Variants in SYMPK observed in about 807,000 individuals in gnomAD.
SYMPK encodes symplekin.
In SYMPK, 49 loss-of-function variants were observed where a neutral mutation model predicts 136.4. The observed-to-expected ratio is 0.36, with a 90% CI of 0.29 to 0.46. The LOEUF (loss-of-function observed/expected upper bound fraction) is 0.46, where lower values mean the gene tolerates loss of function less well. Among genes scored for constraint, SYMPK ranks in the 20% least tolerant of loss-of-function variants. SYMPK has a pLI of 1.00. For missense variants in SYMPK, 1,365 were observed against 1,690.0 expected, an observed-to-expected ratio of 0.81 and a Z score of 3.37; for synonymous variants, 766 against 713.0, an observed-to-expected ratio of 1.07 and a Z score of -1.19.
chr19:45,825,351 C>G lies in SYMPK; in HGVS notation c.2330-20G>C, dbSNP rs370962218. On this transcript the variant is annotated intron_variant, in intron 17 of 26. Transcript: ENST00000245934. ...CCACCTCTGACAGGGCAGGAGCGGG[C>G]ATCAGATTGGCCCACACTCTTCTCC... 35 of 1,610,098 alleles carry G rather than the reference C, an allele frequency of 2.2e-5. No homozygotes were observed. The Admixed American group carries it at 4.5e-4, about 21-fold the overall frequency.
chr19:45,822,715 G>A, intron 21 of SYMPK, 41 bp downstream of exon 21: 1 of 1,577,506 alleles, frequency 6.3e-7, no homozygotes, highest in South Asian at 1.1e-5. Context: ...AGCACCTGGG[G>A]TGGGTGGGCC....
chr19:45,818,681 C>T (rs1045777250), intron 22 of SYMPK, among the ~76,000 whole-genome samples: 4 of 152,104 alleles, frequency 2.6e-5, no homozygotes, highest in Non-Finnish European at 5.9e-5. Flanking sequence ...AGAGTAATAG[C>T]GAAGGGAGGG....
At chr19:45,829,245 C>A (rs1971115979) in intron 13 of SYMPK, 40 bp from the exon 14 acceptor site, 1 of 1,566,872 alleles carries the variant, frequency 6.4e-7, no homozygotes, top group South Asian at 1.1e-5. Context: ...GTAGGGTGGG[C>A]AATCCAGGGA....
chr19:45,854,154 G>A (rs748742994), intron 3 of SYMPK, 21 bp downstream of exon 3: 1 of 1,613,602 alleles, frequency 6.2e-7, no homozygotes, highest in Non-Finnish European at 8.5e-7. Flanking sequence ...GCTCAGCCCA[G>A]GATGCCCCCC....
intron 1 of SYMPK, among the ~76,000 whole-genome samples, chr19:45,860,407 G>A (rs1423529639): frequency 2.0e-5 from 3 of 151,374 alleles, no homozygotes; most frequent in South Asian, 2.1e-4. Flanking sequence ...GCAGTGAGCC[G>A]AGGTCACATC....
intron 7 of SYMPK, among the ~76,000 whole-genome samples, chr19:45,846,320 T>C (rs778573185): frequency 4.6e-5 from 7 of 152,238 alleles, no homozygotes; most frequent in Non-Finnish European, 1.0e-4. Context: ...CTATGGAATA[T>C]GGTATAGCAA....
At chr19:45,822,280 G>A (rs979257797) in intron 21 of SYMPK, among the ~76,000 whole-genome samples, 3 of 151,986 alleles carry the variant, frequency 2.0e-5, no homozygotes, top group African/African-American at 7.2e-5. Context: ...CACCACGCCT[G>A]GCTAATTTTT....
At chr19:45,840,270 AGG>A (rs1971402946) in intron 9 of SYMPK, among the ~76,000 whole-genome samples, 1 of 146,478 alleles carries the variant, frequency 6.8e-6, no homozygotes, top group African/African-American at 2.5e-5. Flanking sequence ...AGCCAAGATC[AGG>A]CCACTGTACT....
intron 12 of SYMPK, 178 bp from the exon 13 acceptor site, chr19:45,830,382 G>A (rs1971140181): frequency 5.8e-6 from 4 of 691,134 alleles, no homozygotes; most frequent in Non-Finnish European, 9.4e-6. Context: ...GAGGAAGGAA[G>A]AGGATGTTAT....
At position 45,835,068 on chromosome 19, in the gene SYMPK, A is replaced by T; in HGVS notation, c.1393+10T>A. On this transcript the variant is annotated intron_variant, in intron 11 of 26. Coordinates refer to ENST00000245934, the MANE Select transcript of SYMPK (RefSeq NM_004819.3). ...ATCCCTGGCCCAGGTTAGGGCCAGG[A>T]CACACTCACCTGGTCCCAGTCCGGC... The T allele has an allele frequency of 6.3e-7, 1 of 1,581,080 alleles. No individual in the cohort carries two copies. The highest frequency in any genetic ancestry group is 8.6e-7 in the Non-Finnish European group (1 of 1,163,272).
intron 1 of SYMPK, among the ~76,000 whole-genome samples, chr19:45,860,259 C>T (rs1183141730): frequency 6.6e-6 from 1 of 151,798 alleles, no homozygotes; most frequent in Non-Finnish European, 1.5e-5. Context: ...AGTTTGAGAC[C>T]AGTCTGGCCA....
chr19:45,821,573 G>T lies in SYMPK; in HGVS notation c.2792-88C>A. The T allele has an allele frequency of 1.2e-6, 1 of 865,280 alleles. No individual in the cohort carries two copies. The allele number at this position is 865,280 out of a possible 1,614,324, so 53.6% of individuals were successfully genotyped here. On this transcript the variant is annotated intron_variant, in intron 21 of 26. Coordinates refer to ENST00000245934, the MANE Select transcript of SYMPK (RefSeq NM_004819.3). This position sits in a 1 kb window ranked among gnomAD's most constrained non-coding sequence, Gnocchi z 4.4. ...CTGAGTTCCCCAGATCGGGGGAGCT[G>T]CGAGCAAAGATGAGGTGCCCTCTGC...
chr19:45,826,560 C>T (rs1412983613), intron 16 of SYMPK, among the ~76,000 whole-genome samples, 187 bp from the exon 17 acceptor site: 2 of 152,050 alleles, frequency 1.3e-5, no homozygotes, highest in Non-Finnish European at 2.9e-5. Context: ...GCCGGACCCG[C>T]AGCACCACCT....
At chr19:45,820,453 G>GT (rs1428644754) in intron 22 of SYMPK, 2 of 152,284 alleles carry the variant, frequency 1.3e-5, no homozygotes, top group African/African-American at 4.8e-5. Flanking sequence ...AGGTTAGGAA[G>GT]TAAGTCACTG....
rs1009339546 is a variant in SYMPK at position 45,822,677 on chromosome 19, G to C, written c.2791+79C>G. ...CAGGATGTGCCCTCTCTCCCTGAGG[G>C]GGGTGCCTGCACCTTGCCTTCTGCC... On this transcript the variant is annotated intron_variant, in intron 21 of 26. Coordinates refer to ENST00000245934, the MANE Select transcript of SYMPK (RefSeq NM_004819.3). 45 of 1,204,844 alleles carry C rather than the reference G, an allele frequency of 3.7e-5. No homozygotes were observed. In the African/African-American group the frequency reaches 4.9e-4, roughly 13 times the overall value. The allele number at this position is 1,204,844 out of a possible 1,614,324, so 74.6% of individuals were successfully genotyped here. A position where few individuals can be genotyped will look rare whatever the true frequency, so the allele number is the denominator to read the frequency against.
chr19:45,832,513 C>G (rs979137679), intron 11 of SYMPK, among the ~76,000 whole-genome samples: 2 of 152,146 alleles, frequency 1.3e-5, no homozygotes, highest in African/African-American at 2.4e-5. Context: ...ATGCTCAAGA[C>G]AGATGACAGC....
Position 45,835,094 on chromosome 19 carries a change from A to C in SYMPK, c.1377T>G (p.Ala459=), listed in dbSNP as rs1568616406. Reference sequence around the variant, plus strand: ...CACACTCACCTGGTCCCAGTCCGGCAGCTGTCATCTGTGTGGCCATGAGCC... The same window carrying C: ...CACACTCACCTGGTCCCAGTCCGGCCGCTGTCATCTGTGTGGCCATGAGCC... ...LARLMATQMT[A]AGLGPGVEQT... The change falls in exon 11 of 27, where the codon GCT becomes GCG. Residue 459 remains alanine, a synonymous_variant. Coordinates refer to ENST00000245934, the MANE Select transcript of SYMPK (RefSeq NM_004819.3). 8.1e-6 allele frequency: 13 copies of C among 1,606,686 alleles called. No individual in the cohort carries two copies. The highest frequency in any genetic ancestry group is 1.1e-5 in the Non-Finnish European group (13 of 1,176,076).
At chr19:45,825,137 G>C (rs1971009411) in intron 18 of SYMPK, 34 bp downstream of exon 18, 4 of 1,599,602 alleles carry the variant, frequency 2.5e-6, no homozygotes, top group Non-Finnish European at 2.6e-6. Context: ...CTTGCCCGTG[G>C]GTGGGCAGGG....
Position 45,825,247 on chromosome 19 carries a change from A to G in SYMPK, c.2414T>C (p.Ile805Thr). ...LALLPQNHKL[I>T]HELAAVYTEA... ...AGTGTACACGGCCGCCAGTTCGTGG[A>G]TCAGCTTGTGGTTCTGAGGCAGGAG... The change falls in exon 18 of 27, where the codon ATC becomes ACC. Residue 805 changes from isoleucine to threonine, a missense_variant. Ile to Thr is a moderately conservative substitution (Grantham distance 89). This residue lies in a region of SYMPK where 92 missense variants were observed against 198.6 expected (regional missense o/e 0.46). Transcript: ENST00000245934. 1 of 1,614,186 alleles carries G rather than the reference A, an allele frequency of 6.2e-7. No homozygotes were observed. The highest frequency in any genetic ancestry group is 8.5e-7 in the Non-Finnish European group (1 of 1,180,020).
Sources: allele counts gnomAD v4.1 joint callset (sites outside exome capture counted in the v4.1 genomes callset), GRCh38; gene constraint gnomAD v4.1.1; regional missense constraint gnomAD v4.1.1; non-coding constraint Gnocchi (gnomAD v3.1); transcripts MANE v1.5; gene names NCBI Gene and HGNC (gene_info 2026-07-23, HGNC 2026-07-21).